Variants in TMEM181 observed in about 807,000 individuals in gnomAD.
TMEM181 encodes transmembrane protein 181.
Under a neutral mutation model 71.9 loss-of-function variants are expected in TMEM181, and 39 were observed. The observed-to-expected ratio is 0.54, with a 90% CI of 0.42 to 0.71. The LOEUF (loss-of-function observed/expected upper bound fraction) is 0.71, where lower values mean the gene tolerates loss of function less well. Ranked by LOEUF, TMEM181 falls within the 30% of genes least tolerant of loss-of-function variation. The pLI is 0.00. For synonymous variants in TMEM181, 245 were observed against 228.8 expected (o/e 1.07, Z -0.64); for missense variants, 595 against 583.0 (o/e 1.02, Z -0.21).
At chr6:158,619,385 G>A (rs925193281) in intron 10 of TMEM181, among the ~76,000 whole-genome samples, 4 of 152,208 alleles carry the variant, frequency 2.6e-5, no homozygotes, top group African/African-American at 9.6e-5. Flanking sequence ...ATTCTAGTTA[G>A]CCATTTGTCT....
intron 1 of TMEM181, among the ~76,000 whole-genome samples, chr6:158,566,922 G>A (rs1782542453): frequency 6.6e-6 from 1 of 152,190 alleles, no homozygotes; most frequent in South Asian, 2.1e-4. Flanking sequence ...TTGCATTATG[G>A]ATGCCATTTT....
Position 158,589,659 on chromosome 6 carries a change from T to G in TMEM181, c.382-13T>G, listed in dbSNP as rs1783990676. 1.2e-6 allele frequency: 2 copies of G among 1,602,586 alleles called. No homozygotes were observed. Among genetic ancestry groups the G allele is most frequent in the Non-Finnish European group, 1.7e-6 (2 of 1,169,634 alleles). Reference sequence around the variant, plus strand: ...CGCTTTCTTTAAAGGCAAATCTTTCTGTGTATTTGCAGAAATGTGCGGAGA... The same window carrying G: ...CGCTTTCTTTAAAGGCAAATCTTTCGGTGTATTTGCAGAAATGTGCGGAGA... On this transcript the variant is annotated splice_polypyrimidine_tract_variant and intron_variant, in intron 5 of 16. Coordinates refer to ENST00000684151, the MANE Select transcript of TMEM181 (RefSeq NM_001376852.1).
intron 10 of TMEM181, among the ~76,000 whole-genome samples, chr6:158,618,845 C>T (rs1223449828): frequency 6.6e-6 from 1 of 152,250 alleles, no homozygotes; most frequent in Non-Finnish European, 1.5e-5. Flanking sequence ...TGTAGAGTTT[C>T]TGCTGAGAGA....
chr6:158,563,424 G>T (rs1257072064), intron 1 of TMEM181, among the ~76,000 whole-genome samples: 2 of 152,218 alleles, frequency 1.3e-5, no homozygotes, highest in Admixed American at 6.5e-5. Context: ...GACTATAGGT[G>T]TGAGCCACCA....
chr6:158,629,892 TC>T, intron 15 of TMEM181, 73 bp downstream of exon 15: 1 of 1,238,860 alleles, frequency 8.1e-7, no homozygotes, highest in Non-Finnish European at 1.2e-6. Context: ...ACGACCCACT[TC>T]CCGGGTTTCC....
chr6:158,541,898 CTTT>C (rs10583860), intron 1 of TMEM181, among the ~76,000 whole-genome samples: 1,220 of 66,532 alleles, frequency 0.018, 7 homozygotes, highest in African/African-American at 0.066. Flanking sequence ...GGGATTTTAT[CTTT>C]TTTTTTTTTT....
At chr6:158,602,616 C>CT (rs35954544) in intron 6 of TMEM181, among the ~76,000 whole-genome samples, 77 of 148,434 alleles carry the variant, frequency 5.2e-4, no homozygotes, top group African/African-American at 8.1e-4. Context: ...AATTTATGTA[C>CT]TTTTTTTTTT....
At chr6:158,589,958 A>G (rs1485097307) in intron 6 of TMEM181, among the ~76,000 whole-genome samples, 176 bp downstream of exon 6, 1 of 152,268 alleles carries the variant, frequency 6.6e-6, no homozygotes, top group East Asian at 1.9e-4. Context: ...AGAACTAAGA[A>G]TAGCTTAAAT....
At chr6:158,622,505 A>G (rs962085600) in intron 10 of TMEM181, among the ~76,000 whole-genome samples, 1 of 152,242 alleles carries the variant, frequency 6.6e-6, no homozygotes, top group Non-Finnish European at 1.5e-5. Flanking sequence ...GCCGGGGTAC[A>G]CAGGACAAAG....
chr6:158,571,291 G>T (rs190093624), intron 1 of TMEM181, among the ~76,000 whole-genome samples: 2 of 148,470 alleles, frequency 1.3e-5, no homozygotes, highest in Non-Finnish European at 3.0e-5. Flanking sequence ...TAAAGACGGG[G>T]TTTCACCGTG....
At chr6:158,545,147 A>C (rs2033968) in intron 1 of TMEM181, among the ~76,000 whole-genome samples, 43,845 of 152,000 alleles carry the variant, frequency 0.29, 7,044 homozygotes, top group East Asian at 0.56. Context: ...TGCTATGCCT[A>C]CTCCGAACGT....
At chr6:158,598,831 G>A (rs1009200194) in intron 6 of TMEM181, among the ~76,000 whole-genome samples, 2 of 151,988 alleles carry the variant, frequency 1.3e-5, no homozygotes, top group East Asian at 1.9e-4. Flanking sequence ...CCGCCATCAC[G>A]CCCAGATAAT....
chr6:158,572,525 G>T, intron 1 of TMEM181: 1 of 455,872 alleles, frequency 2.2e-6, no homozygotes, highest in African/African-American at 2.0e-5. Flanking sequence ...CCCTTTTGTC[G>T]ATGGTTTGAC....
At chr6:158,594,118 T>C (rs1422130678) in intron 6 of TMEM181, among the ~76,000 whole-genome samples, 1 of 149,944 alleles carries the variant, frequency 6.7e-6, no homozygotes, top group African/African-American at 2.5e-5. Flanking sequence ...TTTTTTTTTT[T>C]TTCTGAGACA....
intron 6 of TMEM181, among the ~76,000 whole-genome samples, chr6:158,603,960 C>T (rs528689214): frequency 6.6e-6 from 1 of 152,320 alleles, no homozygotes; most frequent in South Asian, 2.1e-4. Flanking sequence ...CCTTGCTTTT[C>T]AACATTGCTA....
chr6:158,568,519 C>T (rs1370616758), intron 1 of TMEM181, among the ~76,000 whole-genome samples: 1 of 152,058 alleles, frequency 6.6e-6, no homozygotes, highest in Non-Finnish European at 1.5e-5. Context: ...GTCAGGGACC[C>T]CCAGGGACCC....
chr6:158,608,579 T>C, intron 9 of TMEM181, 80 bp from the exon 10 acceptor site: 2 of 1,596,830 alleles, frequency 1.3e-6, no homozygotes, highest in East Asian at 2.2e-5. Context: ...TGCAGGCCCA[T>C]ACTCAATGGA....
At chr6:158,568,281 C>CAGTTTGAAGTA (rs1191839417) in intron 1 of TMEM181, among the ~76,000 whole-genome samples, 73 of 152,194 alleles carry the variant, frequency 4.8e-4, no homozygotes, top group African/African-American at 1.7e-3. Flanking sequence ...AACCTTTTGA[C>CAGTTTGAAGTA]CTTGAAGTAC....
rs964737526 is a variant in TMEM181 at position 158,602,170 on chromosome 6, G to A, written c.493-3097G>A. Among the ~76,000 whole-genome samples the A allele has an allele frequency of 2.6e-5, 4 of 152,202 alleles. No homozygotes were observed. In the South Asian group the frequency reaches 6.2e-4, roughly 24 times the overall value. On this transcript the variant is annotated intron_variant, in intron 6 of 16. Coordinates refer to ENST00000684151, the MANE Select transcript of TMEM181 (RefSeq NM_001376852.1). ...TTATGTAACTGGAATTATACAATAT[G>A]TACTTCTCCAATATGAATTGTTTCA...
Sources: gnomAD v4.1 joint callset for allele counts (sites outside exome capture counted in the v4.1 genomes callset) on GRCh38, gnomAD v4.1.1 for gene constraint, MANE v1.5 for transcripts, NCBI Gene and HGNC (gene_info 2026-07-23, HGNC 2026-07-21) for gene names.